Variants in USP37 observed in about 807,000 individuals in gnomAD.
The protein encoded by USP37 is ubiquitin specific peptidase 37.
In USP37, 27 loss-of-function variants were observed where a neutral mutation model predicts 124.0. The observed-to-expected ratio is 0.22, with a 90% confidence interval of 0.16 to 0.30. USP37 has a LOEUF of 0.30. Ranked by LOEUF, USP37 falls within the 10% of genes least tolerant of loss-of-function variation. USP37 has a pLI of 1.00. For missense variants in USP37, 889 were observed against 1,140.4 expected (o/e 0.78, Z 3.17); for synonymous variants, 365 against 388.0 (o/e 0.94, Z 0.70).
At position 218,455,681 on chromosome 2, in the gene USP37, T is replaced by C; in HGVS notation, c.2751A>G (p.Gln917=). The C allele has an allele frequency of 1.2e-6, 2 of 1,614,192 alleles. No homozygotes were observed. The highest frequency in any genetic ancestry group is 1.7e-6 in the Non-Finnish European group (2 of 1,180,026). ...CCAGGTCATTGTAAGTAAACCACGC[T>C]TGCTTCTTAATGTCATATACATCAC... ...YISDVYDIKK[Q]AWFTYNDLEV... is the part of the protein sequence containing the mutation. The change falls in exon 25 of 26, where the codon CAA becomes CAG. Residue 917 remains glutamine (Q), a synonymous_variant. Transcript: ENST00000258399.
intron 10 of USP37, among the ~76,000 whole-genome samples, chr2:218,521,273 C>T (rs576167201): frequency 1.3e-5 from 2 of 152,288 alleles, no homozygotes; most frequent in South Asian, 4.2e-4. Context: ...CAGACTAATA[C>T]AATAGGCTAC....
At chr2:218,462,090 G>A (rs1175903686) in intron 22 of USP37, among the ~76,000 whole-genome samples, 2 of 152,082 alleles carry the variant, frequency 1.3e-5, no homozygotes, top group East Asian at 1.9e-4. Flanking sequence ...CTGGGATGCT[G>A]AGTTTGCAGT....
rs75750399 is a variant in USP37, at chr2:218,491,888, G to C, written c.1473-3467C>G. 7.2e-3 allele frequency among the ~76,000 whole-genome samples: 1,091 copies of C among 152,218 alleles called. 12 individuals are homozygous for C. The highest frequency in any genetic ancestry group is 0.025 in the African/African-American group (1,042 of 41,550). ...GGCCTTTATGTAAAGATCTGGAAAA[G>C]TGAGGGCACTATCTAAATGAGAATA... On this transcript the variant is annotated intron_variant, in intron 14 of 25. Coordinates refer to ENST00000258399, the MANE Select transcript of USP37 (RefSeq NM_020935.3).
chr2:218,485,122 G>A (rs962850870), intron 16 of USP37, among the ~76,000 whole-genome samples: 2 of 152,078 alleles, frequency 1.3e-5, no homozygotes, highest in African/African-American at 4.8e-5. Context: ...TGGGATAACA[G>A]AAAAAGACTA....
chr2:218,467,015 G>A (rs1036221442), intron 20 of USP37, among the ~76,000 whole-genome samples: 1 of 152,180 alleles, frequency 6.6e-6, no homozygotes, highest in Non-Finnish European at 1.5e-5. Context: ...ACAGGTGTGA[G>A]CCACTGTGCC....
At chr2:218,492,848 T>A (rs984355065) in intron 14 of USP37, among the ~76,000 whole-genome samples, 6 of 152,020 alleles carry the variant, frequency 3.9e-5, no homozygotes, top group Admixed American at 2.0e-4. Context: ...CTAGAAAAAA[T>A]TTAAAAATTA....
intron 23 of USP37, among the ~76,000 whole-genome samples, 165 bp downstream of exon 23, chr2:218,459,625 G>A (rs1262303219): frequency 6.6e-6 from 1 of 152,112 alleles, no homozygotes; most frequent in African/African-American, 2.4e-5. Context: ...AATCTTGTAT[G>A]TGAAAAATGA....
Position 218,497,717 on chromosome 2 carries a change from A to G in USP37, c.1281+17T>C. 3 of 1,613,016 alleles carry G rather than the reference A, an allele frequency of 1.9e-6. No homozygotes were observed. The highest frequency in any genetic ancestry group is 2.5e-6 in the Non-Finnish European group (3 of 1,179,630). On this transcript the variant is annotated intron_variant, in intron 13 of 25. Coordinates refer to ENST00000258399, the MANE Select transcript of USP37 (RefSeq NM_020935.3). ...CGTGTCAGGCCTCTGAAACGTTTTA[A>G]AACAATTAATACTCACATTCTGCAT...
chr2:218,478,432 T>C (rs993786262), intron 18 of USP37, among the ~76,000 whole-genome samples: 2 of 152,206 alleles, frequency 1.3e-5, no homozygotes, highest in Non-Finnish European at 1.5e-5. Context: ...TGCACCAGGG[T>C]AAATTTGTGA....
rs201511327 is a variant in USP37, at chr2:218,558,668, T to C, written c.-15A>G. 4 of 1,579,656 alleles carry C rather than the reference T, an allele frequency of 2.5e-6. No individual in the cohort carries two copies. Among genetic ancestry groups the C allele is most frequent in the African/African-American group, 1.4e-5 (1 of 73,588 alleles). On this transcript the variant is annotated 5_prime_UTR_variant, in exon 4 of 26. Coordinates refer to ENST00000258399, the MANE Select transcript of USP37 (RefSeq NM_020935.3). Reference sequence around the variant, plus strand: ...AGAGGAGACATATTTTCTTTAAAAATTGCTTCTGGCTAAATTAAAAAGCAA... The same window carrying C: ...AGAGGAGACATATTTTCTTTAAAAACTGCTTCTGGCTAAATTAAAAAGCAA...
At position 218,511,770 on chromosome 2, in the gene USP37, A is replaced by G. The variant is rs138126739; in HGVS notation, c.864-1630T>C. On this transcript the variant is annotated intron_variant, in intron 10 of 25. Transcript: ENST00000258399. ...CCCACATTCTAATTTTAAAATTTTT[A>G]TACTGGGAAATTTATCAATTTTTTC... is the stretch of plus-strand genomic sequence containing the variant. Among the ~76,000 whole-genome samples the G allele has an allele frequency of 2.3e-3, 344 of 147,258 alleles. 4 individuals are homozygous for G. Among genetic ancestry groups the G allele is most frequent in the Non-Finnish European group, 4.6e-4 (31 of 67,132 alleles).
chr2:218,540,298 A>G (rs1343280269), intron 8 of USP37, among the ~76,000 whole-genome samples: 11 of 152,154 alleles, frequency 7.2e-5, no homozygotes, highest in Non-Finnish European at 2.9e-5. Context: ...GGAATGGGAC[A>G]GCTCAAGGTT....
chr2:218,493,672 T>C (rs956786969), intron 14 of USP37, among the ~76,000 whole-genome samples: 7 of 152,134 alleles, frequency 4.6e-5, no homozygotes, highest in African/African-American at 1.7e-4. Context: ...GGTTTCACCA[T>C]GTTGGCCAGG....
Position 218,549,817 on chromosome 2 carries a change from C to T in USP37, c.421G>A (p.Asp141Asn). 1 of 1,612,280 alleles carries T rather than the reference C, an allele frequency of 6.2e-7. No individual in the cohort carries two copies. The highest frequency in any genetic ancestry group is 1.1e-5 in the South Asian group (1 of 90,888). ...KETSRQLSYSDNQASAKRGSL... is the reference protein window; with the variant it reads ...KETSRQLSYSNNQASAKRGSL... ...GATTCAAATGAACATACCTGATTGT[C>T]TGAGTAAGAAAGCTGCCTGCTGGTT... is the stretch of plus-strand genomic sequence containing the variant. Residue 141 changes from aspartate to asparagine, a missense_variant, in exon 6 of 26, where the codon GAC (aspartate) becomes AAC (asparagine). This residue lies in a region of USP37 where 374 missense variants were observed against 386.0 expected (regional missense o/e 0.97). Transcript: ENST00000258399.
chr2:218,533,482 T>C (rs751878138), intron 9 of USP37, among the ~76,000 whole-genome samples: 6 of 152,190 alleles, frequency 3.9e-5, no homozygotes, highest in Non-Finnish European at 7.4e-5. Context: ...ATGCACTTCC[T>C]TCTCTCCTCC....
intron 23 of USP37, among the ~76,000 whole-genome samples, chr2:218,457,877 C>T (rs1461829795): frequency 6.6e-6 from 1 of 151,584 alleles, no homozygotes; most frequent in Non-Finnish European, 1.5e-5. Flanking sequence ...GAAACCCTGT[C>T]TCTACTAAAA....
Position 218,457,145 on chromosome 2 carries a change from T to C in USP37, c.2660A>G (p.His887Arg). Residue 887 changes from histidine (H) to arginine (R), a missense_variant, in exon 24 of 26, where the codon CAT becomes CGT. This residue lies in a region of USP37 where 504 missense variants were observed against 714.3 expected (regional missense o/e 0.71). Transcript: ENST00000258399. The part of the protein sequence containing the change: ...KRNAETGNLP[H>R]SYRLISVVSH... ...GACAACACTGATGAGCCGGTACGAA[T>C]GAGGCAGATTTCCTGTCTGGAAAAC... The C allele has an allele frequency of 6.2e-7, 1 of 1,613,914 alleles. No homozygotes were observed. Among genetic ancestry groups the C allele is most frequent in the Non-Finnish European group, 8.5e-7 (1 of 1,179,938 alleles).
At chr2:218,498,632 C>G (rs1228425666) in intron 11 of USP37, among the ~76,000 whole-genome samples, 1 of 152,112 alleles carries the variant, frequency 6.6e-6, no homozygotes, top group Non-Finnish European at 1.5e-5. Context: ...CAGGCTGAGG[C>G]ACGAGAATCG....
At chr2:218,516,869 C>A (rs1381811381) in intron 10 of USP37, among the ~76,000 whole-genome samples, 1 of 152,118 alleles carries the variant, frequency 6.6e-6, no homozygotes, top group Admixed American at 6.5e-5. Context: ...TCAATCTATA[C>A]ATGAATTTAC....
Sources: gnomAD v4.1 joint callset for allele counts (sites outside exome capture counted in the v4.1 genomes callset) on GRCh38, gnomAD v4.1.1 for gene constraint, gnomAD v4.1.1 regional missense constraint, MANE v1.5 for transcripts, NCBI Gene and HGNC (gene_info 2026-07-23, HGNC 2026-07-21) for gene names.